DIAPH3: variants seen among roughly 807,000 people sequenced by gnomAD.
The protein encoded by DIAPH3 is protein diaphanous homolog 3.
In DIAPH3, 117 loss-of-function variants were observed where a neutral mutation model predicts 144.3. The observed-to-expected ratio is 0.81, with a 90% CI of 0.70 to 0.95. DIAPH3 has a LOEUF of 0.95. DIAPH3 is among the 40% of genes least tolerant of loss of function. The pLI, the probability that DIAPH3 is intolerant of heterozygous loss-of-function variation, is 0.00. For synonymous variants in DIAPH3, 519 were observed against 488.9 expected (o/e 1.06, Z -0.81); for missense variants, 1,421 against 1,412.7 (o/e 1.01, Z -0.09).
intron 20 of DIAPH3, among the ~76,000 whole-genome samples, chr13:59,904,285 C>T (rs1593913949): frequency 6.6e-6 from 1 of 152,144 alleles, no homozygotes; most frequent in Middle Eastern, 3.4e-3. Context: ...TACAGATGAG[C>T]CTGAGGAAAC....
At chr13:60,031,829 C>T (rs2054825054) in intron 5 of DIAPH3, among the ~76,000 whole-genome samples, 2 of 145,422 alleles carry the variant, frequency 1.4e-5, no homozygotes, top group African/African-American at 2.5e-5. Context: ...CTGCAACCTC[C>T]GTCTCCCAGG....
chr13:59,837,002 G>A (rs919723341), intron 23 of DIAPH3, among the ~76,000 whole-genome samples: 8 of 151,890 alleles, frequency 5.3e-5, no homozygotes, highest in Non-Finnish European at 1.0e-4. Context: ...CCTAATTAAT[G>A]TAAACAAAGA....
At chr13:59,866,019 A>C (rs548330980) in intron 21 of DIAPH3, among the ~76,000 whole-genome samples, 60 of 152,124 alleles carry the variant, frequency 3.9e-4, no homozygotes, top group Non-Finnish European at 1.2e-4. Flanking sequence ...TTGAATATTT[A>C]GATGTTTAGA....
intron 20 of DIAPH3, among the ~76,000 whole-genome samples, chr13:59,903,468 T>G (rs946773714): frequency 1.3e-5 from 2 of 152,154 alleles, no homozygotes; most frequent in Non-Finnish European, 2.9e-5. Context: ...AAACAAGTAT[T>G]GTATAGAGTA....
At chr13:60,051,723 T>C (rs996692356) in intron 4 of DIAPH3, among the ~76,000 whole-genome samples, 1 of 152,120 alleles carries the variant, frequency 6.6e-6, no homozygotes, top group African/African-American at 2.4e-5. Context: ...AGTTTATCAC[T>C]GTAAAAAGAG....
chr13:59,825,851 T>C (rs1566370449), intron 24 of DIAPH3, among the ~76,000 whole-genome samples: 1 of 152,142 alleles, frequency 6.6e-6, no homozygotes, highest in Non-Finnish European at 1.5e-5. Context: ...GAAGTGTCTG[T>C]TCATATCCTT....
At chr13:59,859,732 G>T (rs182886771) in intron 22 of DIAPH3, among the ~76,000 whole-genome samples, 56 of 152,200 alleles carry the variant, frequency 3.7e-4, no homozygotes, top group Admixed American at 3.7e-3. Context: ...CTTTAGGAGA[G>T]TTGATTTCCC....
intron 27 of DIAPH3, among the ~76,000 whole-genome samples, chr13:59,737,686 CT>C (rs1434893426): frequency 2.6e-5 from 4 of 152,268 alleles, no homozygotes; most frequent in Non-Finnish European, 5.9e-5. Flanking sequence ...TTAACCTCAC[CT>C]TTTGCTCATC....
intron 20 of DIAPH3, among the ~76,000 whole-genome samples, chr13:59,902,668 C>T (rs1593906669): frequency 6.6e-6 from 1 of 151,996 alleles, no homozygotes; most frequent in Non-Finnish European, 1.5e-5. Context: ...CCTAGCTACT[C>T]GGGTGGCTGA....
intron 26 of DIAPH3, among the ~76,000 whole-genome samples, chr13:59,774,502 G>T (rs1013286655): frequency 1.3e-5 from 2 of 152,126 alleles, no homozygotes; most frequent in Non-Finnish European, 2.9e-5. Flanking sequence ...GATTTTCTAG[G>T]TTCAGTGCAT....
chr13:59,803,590 C>G (rs2040048817), intron 25 of DIAPH3, among the ~76,000 whole-genome samples: 4 of 151,846 alleles, frequency 2.6e-5, no homozygotes. Context: ...AAGAAAAAGA[C>G]AAAAGAAAAA....
At chr13:60,086,846 A>C (rs2057762731) in intron 4 of DIAPH3, among the ~76,000 whole-genome samples, 1 of 152,198 alleles carries the variant, frequency 6.6e-6, no homozygotes, top group Non-Finnish European at 1.5e-5. Context: ...TACAATATTA[A>C]CAAATCAATG....
At chr13:60,083,142 G>C (rs1484806516) in intron 4 of DIAPH3, among the ~76,000 whole-genome samples, 1 of 151,872 alleles carries the variant, frequency 6.6e-6, no homozygotes, top group African/African-American at 2.4e-5. Context: ...AAATGACTAG[G>C]AGCCAACTAG....
intron 21 of DIAPH3, among the ~76,000 whole-genome samples, chr13:59,864,006 T>G (rs1472820832): frequency 6.6e-6 from 1 of 152,116 alleles, no homozygotes; most frequent in Non-Finnish European, 1.5e-5. Context: ...TAAGTATACA[T>G]TATAGTGGAA....
intron 9 of DIAPH3, among the ~76,000 whole-genome samples, chr13:60,003,570 T>G (rs1033475032): frequency 3.3e-5 from 5 of 150,594 alleles, no homozygotes; most frequent in African/African-American, 9.7e-5. Context: ...TAGATAGATA[T>G]AGATATATAT....
At chr13:59,753,434 G>GT (rs1467526360) in intron 27 of DIAPH3, among the ~76,000 whole-genome samples, 1 of 152,116 alleles carries the variant, frequency 6.6e-6, no homozygotes, top group African/African-American at 2.4e-5. Flanking sequence ...GTTATACTGA[G>GT]TTTTTTGGGA....
At chr13:60,115,092 GAA>G (rs1343393159) in intron 2 of DIAPH3, among the ~76,000 whole-genome samples, 6 of 152,008 alleles carry the variant, frequency 3.9e-5, no homozygotes, top group Admixed American at 1.3e-4. Context: ...AAAATCATAA[GAA>G]AGAAAAAATA....
chr13:59,915,584 T>C (rs1469689122), intron 19 of DIAPH3, among the ~76,000 whole-genome samples: 1 of 152,082 alleles, frequency 6.6e-6, no homozygotes. Flanking sequence ...ATTTCTTATG[T>C]GGAACTCAGC....
intron 22 of DIAPH3, among the ~76,000 whole-genome samples, chr13:59,854,936 T>G (rs191480428): frequency 6.6e-6 from 1 of 152,210 alleles, no homozygotes; most frequent in Non-Finnish European, 1.5e-5. Context: ...TCATCATCTA[T>G]TAGCCCAAGC....
Sources: allele counts gnomAD v4.1 joint callset (sites outside exome capture counted in the v4.1 genomes callset), GRCh38; gene constraint gnomAD v4.1.1; transcripts MANE v1.5; gene names NCBI Gene and HGNC (gene_info 2026-07-23, HGNC 2026-07-21).